The following ARHGAP32 variants were observed in gnomAD, a reference collection of about 807,000 sequenced individuals.
ARHGAP32 encodes the protein Rho GTPase activating protein 32, also known as rho GTPase-activating protein 32.
Under a neutral mutation model 186.5 loss-of-function variants are expected in ARHGAP32, and 51 were observed. The ratio of observed to expected loss-of-function variants is 0.27; its 90% confidence interval spans 0.22 to 0.35. ARHGAP32 has a LOEUF of 0.35. Ranked by LOEUF, ARHGAP32 falls within the 10% of genes least tolerant of loss-of-function variation. ARHGAP32 has a pLI of 1.00. For synonymous variants in ARHGAP32, 950 were observed against 964.3 expected, an observed-to-expected ratio of 0.99 and a Z score of 0.27; for missense variants, 2,186 against 2,623.5, an observed-to-expected ratio of 0.83 and a Z score of 3.64.
At chr11:129,260,603 ATT>A (rs1451690174) in intron 1 of ARHGAP32, among the ~76,000 whole-genome samples, 3 of 152,158 alleles carry the variant, frequency 2.0e-5, no homozygotes, top group Non-Finnish European at 4.4e-5. Flanking sequence ...AAAATATAAT[ATT>A]GTCTTTATCT....
At chr11:129,272,951 T>C (rs1272756940) in intron 1 of ARHGAP32, among the ~76,000 whole-genome samples, 6 of 152,214 alleles carry the variant, frequency 3.9e-5, no homozygotes, top group East Asian at 1.9e-4. Flanking sequence ...CTGGCTTTAA[T>C]TGAGCAGTTC....
chr11:129,018,347 A>G (rs1044067129), intron 11 of ARHGAP32, among the ~76,000 whole-genome samples: 2 of 152,210 alleles, frequency 1.3e-5, no homozygotes, highest in East Asian at 1.9e-4. Context: ...TGAAAGCACC[A>G]AGAAAGAATG....
At chr11:129,193,624 A>AAT (rs1491166965), upstream of ARHGAP32, among the ~76,000 whole-genome samples, 2 of 80,608 alleles carry the variant, frequency 2.5e-5, no homozygotes, top group South Asian at 5.6e-4. Context: ...TATGTTATAT[A>AAT]ATATATATAA....
At chr11:129,214,954 T>A (rs774376917) in intron 1 of ARHGAP32, among the ~76,000 whole-genome samples, 1 of 152,190 alleles carries the variant, frequency 6.6e-6, no homozygotes, top group South Asian at 2.1e-4. Flanking sequence ...GCAGGACAGT[T>A]TGTCCATCAC....
At chr11:129,211,085 A>C (rs1944573699) in intron 1 of ARHGAP32, among the ~76,000 whole-genome samples, 1 of 152,094 alleles carries the variant, frequency 6.6e-6, no homozygotes. Context: ...CAAACCTTCA[A>C]TGCATCCCTT....
intron 11 of ARHGAP32, among the ~76,000 whole-genome samples, chr11:129,003,570 G>A (rs1937623499): frequency 6.6e-6 from 1 of 152,000 alleles, no homozygotes; most frequent in African/African-American, 2.4e-5. Context: ...ATTTGTTATT[G>A]GTCTGTTCAG....
intron 1 of ARHGAP32, among the ~76,000 whole-genome samples, chr11:129,276,966 C>A (rs188001597): frequency 1.3e-5 from 2 of 152,326 alleles, no homozygotes; most frequent in East Asian, 3.9e-4. Context: ...TTGGACTTCA[C>A]AATCATGGGT....
Position 128,989,521 on chromosome 11 carries a change from C to T in ARHGAP32, c.1196-1396G>A, listed in dbSNP as rs867740282. Among the ~76,000 whole-genome samples the T allele has an allele frequency of 1.3e-4, 19 of 144,228 alleles. No homozygotes were observed. The Middle Eastern group carries it at 0.025, about 193-fold the overall frequency. The allele number at this position is 144,228 out of a possible 152,430, so 94.6% of individuals were successfully genotyped here. A position where few individuals can be genotyped will look rare whatever the true frequency, so the allele number is the denominator to read the frequency against. On this transcript the variant is annotated intron_variant, in intron 12 of 22. Coordinates refer to ENST00000682385, the MANE Select transcript of ARHGAP32 (RefSeq NM_001378024.1). ...CTTTTGTTTTGTTTTTTATTTCACA[C>T]ACACACACACACACACACACACACA... is the stretch of plus-strand genomic sequence containing the variant.
intron 1 of ARHGAP32, among the ~76,000 whole-genome samples, chr11:129,210,928 G>T (rs896772834): frequency 1.3e-5 from 2 of 152,122 alleles, no homozygotes; most frequent in Non-Finnish European, 2.9e-5. Flanking sequence ...TGAACTGCAC[G>T]GGACTGCTGC....
intron 1 of ARHGAP32, among the ~76,000 whole-genome samples, chr11:129,191,860 T>C (rs1291311005): frequency 6.6e-6 from 1 of 152,148 alleles, no homozygotes; most frequent in Non-Finnish European, 1.5e-5. Context: ...CTTCTCCTCC[T>C]GGCGTTCTAA....
chr11:129,051,207 G>A (rs1940027330), intron 10 of ARHGAP32, among the ~76,000 whole-genome samples: 1 of 152,170 alleles, frequency 6.6e-6, no homozygotes, highest in Non-Finnish European at 1.5e-5. Context: ...AGATCCTTGA[G>A]GAACTGCCAC....
At chr11:129,249,160 AAAGC>A (rs1488052563) in intron 1 of ARHGAP32, among the ~76,000 whole-genome samples, 3 of 152,192 alleles carry the variant, frequency 2.0e-5, no homozygotes, top group Non-Finnish European at 4.4e-5. Flanking sequence ...ACCAATGAGT[AAAGC>A]AACTACATGG....
chr11:129,218,557 T>C (rs935762146), intron 1 of ARHGAP32, among the ~76,000 whole-genome samples: 3 of 151,960 alleles, frequency 2.0e-5, no homozygotes, highest in East Asian at 1.9e-4. Context: ...CAGATATAAA[T>C]TGATATTAAT....
At chr11:129,114,403 C>CA (rs1942308051) in intron 5 of ARHGAP32, among the ~76,000 whole-genome samples, 1 of 152,080 alleles carries the variant, frequency 6.6e-6, no homozygotes, top group Admixed American at 6.6e-5. Flanking sequence ...ACATTTATAA[C>CA]ATTGTTTTTC....
chr11:129,003,892 C>T (rs758641516), intron 11 of ARHGAP32, among the ~76,000 whole-genome samples: 4 of 151,856 alleles, frequency 2.6e-5, no homozygotes, highest in Non-Finnish European at 5.9e-5. Flanking sequence ...CCTGATCTTT[C>T]ATTATTGCTT....
intron 12 of ARHGAP32, among the ~76,000 whole-genome samples, chr11:128,995,515 T>G (rs1946173612): frequency 6.6e-6 from 1 of 152,200 alleles, no homozygotes; most frequent in South Asian, 2.1e-4. Flanking sequence ...CAGCTCAAAC[T>G]TAAAATTTTT....
chr11:129,189,847 C>T (rs1440916636), intron 1 of ARHGAP32, among the ~76,000 whole-genome samples: 2 of 152,154 alleles, frequency 1.3e-5, no homozygotes, highest in East Asian at 1.9e-4. Flanking sequence ...GCAGATGGCA[C>T]CTGGAAGCAC....
At chr11:128,994,989 G>A (rs1005876912) in intron 12 of ARHGAP32, among the ~76,000 whole-genome samples, 1 of 151,994 alleles carries the variant, frequency 6.6e-6, no homozygotes, top group Admixed American at 6.6e-5. Flanking sequence ...ACTTGGCAAA[G>A]AGGGATTAAT....
intron 1 of ARHGAP32, among the ~76,000 whole-genome samples, chr11:129,237,393 GA>G (rs1437793462): frequency 6.6e-6 from 1 of 152,144 alleles, no homozygotes; most frequent in Non-Finnish European, 1.5e-5. Context: ...GAAAACTTCA[GA>G]AAACAAAATC....
Sources: gnomAD v4.1 joint callset for allele counts (sites outside exome capture counted in the v4.1 genomes callset) on GRCh38, gnomAD v4.1.1 for gene constraint, MANE v1.5 for transcripts, NCBI Gene and HGNC (gene_info 2026-07-23, HGNC 2026-07-21) for gene names.